Variants in SUPT3H observed in about 807,000 individuals in gnomAD.
The protein encoded by SUPT3H is SPT3 homolog, SAGA and STAGA complex component.
Under a neutral mutation model 44.3 loss-of-function variants are expected in SUPT3H, and 44 were observed. The observed-to-expected ratio is 0.99, with a 90% CI of 0.78 to 1.28. The LOEUF (loss-of-function observed/expected upper bound fraction) is 1.28. Among genes scored for constraint, SUPT3H ranks in the 50% most tolerant of loss-of-function variants. The pLI is 0.00. For synonymous variants in SUPT3H, 124 were observed against 125.6 expected (o/e 0.99, Z 0.09); for missense variants, 380 against 387.1 (o/e 0.98, Z 0.15).
intron 2 of SUPT3H, among the ~76,000 whole-genome samples, chr6:45,327,322 G>A (rs1005604573): frequency 4.0e-5 from 6 of 151,852 alleles, no homozygotes; most frequent in Non-Finnish European, 5.9e-5. Flanking sequence ...TAAGCTCATA[G>A]AATCAAATAC....
At position 45,031,205 on chromosome 6, in the gene SUPT3H, C is replaced by T. The variant is rs189552109; in HGVS notation, c.187-10573G>A. On this transcript the variant is annotated intron_variant, in intron 3 of 10. Coordinates refer to ENST00000371459, the MANE Select transcript of SUPT3H (RefSeq NM_003599.4). ...GAAGAACTCATAAAAAAGTTTATAACTTTTAGTACTCACAAAGATTAAAGG... is the reference window on the plus strand; with the variant it reads ...GAAGAACTCATAAAAAAGTTTATAATTTTTAGTACTCACAAAGATTAAAGG... Among the ~76,000 whole-genome samples, 12 of 152,108 alleles carry T rather than the reference C, an allele frequency of 7.9e-5. No individual in the cohort carries two copies. In the East Asian group the frequency reaches 1.7e-3, roughly 22 times the overall value.
chr6:45,159,670 T>C (rs1001330166), intron 2 of SUPT3H, among the ~76,000 whole-genome samples: 1 of 152,220 alleles, frequency 6.6e-6, no homozygotes, highest in Non-Finnish European at 1.5e-5. Flanking sequence ...AAATTTCTCA[T>C]GTTTAAAGTG....
At chr6:45,266,279 A>T (rs565550240) in intron 2 of SUPT3H, among the ~76,000 whole-genome samples, 152 of 152,092 alleles carry the variant, frequency 1.0e-3, no homozygotes, top group Admixed American at 2.4e-3. Flanking sequence ...AATTTTTTTT[A>T]AAAATCTAGA....
chr6:45,366,840 C>T (rs1451309448), intron 1 of SUPT3H, among the ~76,000 whole-genome samples: 1 of 152,114 alleles, frequency 6.6e-6, no homozygotes, highest in Non-Finnish European at 1.5e-5. Flanking sequence ...CAGACCCTTC[C>T]CCTCTTGTCC....
chr6:44,814,533 T>C lies in SUPT3H; in HGVS notation c.*53-5032A>G, dbSNP rs535249698. On this transcript the variant is annotated intron_variant and NMD_transcript_variant, in intron 11 of 11. Transcript: ENST00000475057. ...GCAGCGTGGATCTCTAGAGTTGTTCTGCTGCTGCCCAGGAGTTCCCTGTCT... is the reference window on the plus strand; with the variant it reads ...GCAGCGTGGATCTCTAGAGTTGTTCCGCTGCTGCCCAGGAGTTCCCTGTCT... Among the ~76,000 whole-genome samples, 8 of 152,286 alleles carry C rather than the reference T, an allele frequency of 5.3e-5. 1 individual carries two copies. In the South Asian group the frequency reaches 1.7e-3, roughly 32 times the overall value.
At chr6:44,877,235 A>C (rs904747910) in intron 10 of SUPT3H, among the ~76,000 whole-genome samples, 5 of 152,106 alleles carry the variant, frequency 3.3e-5, no homozygotes, top group African/African-American at 1.2e-4. Flanking sequence ...GGGAGGCTGA[A>C]GCAGGCAGAT....
intron 11 of SUPT3H, among the ~76,000 whole-genome samples, chr6:44,818,885 G>A (rs1767083216): frequency 6.6e-6 from 1 of 152,134 alleles, no homozygotes; most frequent in African/African-American, 2.4e-5. Context: ...GTGCCATATG[G>A]TACATCTACA....
chr6:44,958,147 T>G (rs114500922), intron 7 of SUPT3H, among the ~76,000 whole-genome samples: 1 of 152,352 alleles, frequency 6.6e-6, no homozygotes, highest in Non-Finnish European at 1.5e-5. Context: ...TGGTCAAAAG[T>G]TCCTAGGATT....
chr6:45,252,423 C>T (rs1206347661), intron 2 of SUPT3H, among the ~76,000 whole-genome samples: 1 of 152,092 alleles, frequency 6.6e-6, no homozygotes, highest in Non-Finnish European at 1.5e-5. Context: ...TGAAACAACA[C>T]AGATTCAGGG....
chr6:45,031,760 T>A (rs943369745), intron 3 of SUPT3H, among the ~76,000 whole-genome samples: 7 of 152,142 alleles, frequency 4.6e-5, no homozygotes, highest in African/African-American at 1.7e-4. Context: ...TAAGAAAGAA[T>A]GGCGCAACTT....
At chr6:45,009,245 C>T (rs149397061) in intron 5 of SUPT3H, among the ~76,000 whole-genome samples, 181 of 152,052 alleles carry the variant, frequency 1.2e-3, no homozygotes, top group African/African-American at 4.1e-3. Flanking sequence ...CTTGATGTTG[C>T]TCTTTGAAAC....
chr6:45,187,655 A>G (rs919056284), intron 2 of SUPT3H, among the ~76,000 whole-genome samples: 2 of 152,220 alleles, frequency 1.3e-5, no homozygotes, highest in Non-Finnish European at 2.9e-5. Context: ...GAAATAAAGG[A>G]TGAGGGGAAA....
chr6:45,216,109 T>C (rs1398638493), intron 2 of SUPT3H, among the ~76,000 whole-genome samples: 1 of 151,900 alleles, frequency 6.6e-6, no homozygotes, highest in Non-Finnish European at 1.5e-5. Context: ...GAAAGAGAAA[T>C]ATACACATTC....
chr6:45,323,088 A>C, intron 2 of SUPT3H: 1 of 598,954 alleles, frequency 1.7e-6, no homozygotes, highest in South Asian at 2.3e-5. Context: ...TTGTGAAACA[A>C]AACACTGACA....
rs368421232 is a variant in SUPT3H, at chr6:45,172,133, C to T, written c.102-66127G>A. Among the ~76,000 whole-genome samples the T allele has an allele frequency of 1.5e-3, 218 of 147,854 alleles. 1 individual carries two copies. The Middle Eastern group carries it at 0.023, about 15-fold the overall frequency. On this transcript the variant is annotated intron_variant, in intron 2 of 10. Coordinates refer to ENST00000371459, the MANE Select transcript of SUPT3H (RefSeq NM_003599.4). ...CTGTCGCCAGGCTGGAGTGCAGTGGCGCGATCTCAGCTCACTGCAACTTCC... is the reference window on the plus strand; with the variant it reads ...CTGTCGCCAGGCTGGAGTGCAGTGGTGCGATCTCAGCTCACTGCAACTTCC...
At chr6:45,311,650 G>A (rs1174427708) in intron 2 of SUPT3H, among the ~76,000 whole-genome samples, 1 of 152,104 alleles carries the variant, frequency 6.6e-6, no homozygotes, top group East Asian at 1.9e-4. Context: ...AGGGATTGGG[G>A]CCCTATCTTC....
intron 2 of SUPT3H, among the ~76,000 whole-genome samples, chr6:45,200,079 A>C (rs1762241574): frequency 1.3e-5 from 2 of 151,562 alleles, no homozygotes; most frequent in Non-Finnish European, 3.0e-5. Flanking sequence ...TGTGCGACAG[A>C]TAAAAATCTT....
intron 3 of SUPT3H, among the ~76,000 whole-genome samples, chr6:45,079,056 A>C (rs2153557330): frequency 6.6e-6 from 1 of 152,254 alleles, no homozygotes; most frequent in South Asian, 2.1e-4. Flanking sequence ...CATGCCTATA[A>C]TCCCAGCACT....
chr6:45,091,734 A>AT (rs1797145787), intron 3 of SUPT3H, among the ~76,000 whole-genome samples: 1 of 151,988 alleles, frequency 6.6e-6, no homozygotes, highest in Admixed American at 6.6e-5. Context: ...TTTTAAAAAT[A>AT]TTTTTCCCTT....
Sources: gnomAD v4.1 joint callset for allele counts (sites outside exome capture counted in the v4.1 genomes callset) on GRCh38, gnomAD v4.1.1 for gene constraint, MANE v1.5 for transcripts, NCBI Gene and HGNC (gene_info 2026-07-23, HGNC 2026-07-21) for gene names.